The following SZT2 variants were observed in gnomAD, a reference collection of about 807,000 sequenced individuals.
The protein encoded by SZT2 is SZT2 subunit of KICSTOR complex.
In SZT2, 216 loss-of-function variants were observed where a neutral mutation model predicts 404.2. The observed-to-expected ratio is 0.53, with a 90% CI of 0.48 to 0.60. The LOEUF (loss-of-function observed/expected upper bound fraction) is 0.60. Ranked by LOEUF, SZT2 falls within the 20% of genes least tolerant of loss-of-function variation. The probability of loss-of-function intolerance (pLI) is 0.00; values close to 1 mark genes in which losing one functional copy is unlikely to be tolerated. For synonymous variants in SZT2, 1,693 were observed against 1,749.9 expected (o/e 0.97, Z 0.81); for missense variants, 3,857 against 4,459.2 (o/e 0.86, Z 3.85).
rs1335463017 is a variant in SZT2 at position 43,397,452 on chromosome 1, A to T, written c.28-5725A>T. On this transcript the variant is annotated intron_variant, in intron 1 of 71. Transcript: ENST00000634258. ...AAAAAAAAAAAAGAAAAGAAACAATATGTAGACATGGCCTCCACCTCGCTG... is the reference window on the plus strand; with the variant it reads ...AAAAAAAAAAAAGAAAAGAAACAATTTGTAGACATGGCCTCCACCTCGCTG... Among the ~76,000 whole-genome samples, 181 of 151,736 alleles carry T rather than the reference A, an allele frequency of 1.2e-3. No homozygotes were observed. The East Asian group carries it at 0.023, about 19-fold the overall frequency.
intron 42 of SZT2, chr1:43,436,480 T>C (rs1161958614): frequency 6.6e-6 from 1 of 152,290 alleles, no homozygotes; most frequent in African/African-American, 2.4e-5. Context: ...CTCCAGAATT[T>C]TTCCCTGAAA....
intron 7 of SZT2, among the ~76,000 whole-genome samples, chr1:43,418,581 CAT>C (rs1651965209): frequency 6.6e-6 from 1 of 152,282 alleles, no homozygotes; most frequent in East Asian, 1.9e-4. Context: ...AGTTGGGTGT[CAT>C]ATGTTTTGAT....
chr1:43,413,752 A>G (rs1007866653), intron 4 of SZT2, among the ~76,000 whole-genome samples: 1 of 152,188 alleles, frequency 6.6e-6, no homozygotes, highest in Admixed American at 6.5e-5. Context: ...AAAAATTAAA[A>G]CAATTGAACT....
chr1:43,424,229 G>A lies in SZT2; in HGVS notation c.2268G>A (p.Leu756=), dbSNP rs2153932880. The change falls in exon 16 of 72, where the codon CTG becomes CTA. Residue 756 remains leucine (L), a synonymous_variant. Coordinates refer to ENST00000634258, the MANE Select transcript of SZT2 (RefSeq NM_001365999.1). The surrounding 1 kb of genome is among the most constrained non-coding windows in gnomAD (Gnocchi z 4.1). ...LDKLLIRYEK[L]PLDYRAPFLL... ...TCCCATTTCCTAGGTATGAGAAGCT[G>A]CCCTTGGACTACCGGGCACCCTTCT... The A allele has an allele frequency of 2.5e-6, 4 of 1,597,576 alleles. No homozygotes were observed. Among genetic ancestry groups the A allele is most frequent in the Non-Finnish European group, 3.4e-6 (4 of 1,179,368 alleles).
Position 43,437,866 on chromosome 1 carries a change from C to G in SZT2, c.6472C>G (p.His2158Asp), listed in dbSNP as rs752750491. ...AARPVGQVDR[H>D]IQLLVHGVGQ... Reference sequence around the variant, plus strand: ...TCGTCCTGTGGGCCAAGTGGACAGACATATCCAGCTGCTGGTCCATGGTGT... The same window carrying G: ...TCGTCCTGTGGGCCAAGTGGACAGAGATATCCAGCTGCTGGTCCATGGTGT... The change falls in exon 46 of 72, where the codon CAT becomes GAT. Residue 2158 changes from histidine (H) to aspartate (D), a missense_variant. Around this residue, in one of 7 missense-constraint regions of SZT2, gnomAD observed 261 missense variants for 372.9 expected, o/e 0.70. Coordinates refer to ENST00000634258, the MANE Select transcript of SZT2 (RefSeq NM_001365999.1). This position sits in a 1 kb window ranked among gnomAD's most constrained non-coding sequence, Gnocchi z 5.3. 8 of 1,614,046 alleles carry G rather than the reference C, an allele frequency of 5.0e-6. No homozygotes were observed. In the Admixed American group the frequency reaches 8.3e-5, roughly 17 times the overall value.
At position 43,445,882 on chromosome 1, in the gene SZT2, CCTT is replaced by C. The variant is rs761757948; in HGVS notation, c.8826-11_8826-9del. ...CCTGCCTCATCCTCTTATCCCTCCT[CCTT>C]TTCTATAGCACCAGCCGGCCACGGG... On this transcript the variant is annotated splice_polypyrimidine_tract_variant and intron_variant, in intron 62 of 71. Coordinates refer to ENST00000634258, the MANE Select transcript of SZT2 (RefSeq NM_001365999.1). 1 of 1,614,026 alleles carries C rather than the reference CCTT, an allele frequency of 6.2e-7. No individual in the cohort carries two copies. Among genetic ancestry groups the C allele is most frequent in the African/African-American group, 1.3e-5 (1 of 75,070 alleles).
chr1:43,415,756 C>T (rs1651639547), intron 5 of SZT2, among the ~76,000 whole-genome samples: 1 of 152,222 alleles, frequency 6.6e-6, no homozygotes, highest in Non-Finnish European at 1.5e-5. Context: ...TGATGCCGAA[C>T]TCCCTTCACC....
At chr1:43,430,465 C>T in intron 31 of SZT2, 31 bp from the exon 32 acceptor site, 1 of 1,607,778 alleles carries the variant, frequency 6.2e-7, no homozygotes, top group Non-Finnish European at 8.5e-7. Context: ...CTGCCAGCCT[C>T]TCTCATTGAC....
chr1:43,399,676 T>G (rs1478027239), intron 1 of SZT2, among the ~76,000 whole-genome samples: 1 of 152,000 alleles, frequency 6.6e-6, no homozygotes, highest in Non-Finnish European at 1.5e-5. Flanking sequence ...TTAGCCAGGG[T>G]GGTCTCGATC....
chr1:43,434,326 A>G, intron 40 of SZT2, 60 bp from the exon 41 acceptor site: 1 of 1,399,534 alleles, frequency 7.1e-7, no homozygotes, highest in Non-Finnish European at 9.9e-7. Context: ...TATACATATC[A>G]TGCCATTACA....
At chr1:43,443,527 AC>A (rs755451533) in intron 61 of SZT2, 50 bp downstream of exon 61, 16 of 1,612,748 alleles carry the variant, frequency 9.9e-6, no homozygotes, top group South Asian at 6.6e-5. Flanking sequence ...CCCCACAGTG[AC>A]CCCCCTCCTC....
At position 43,426,280 on chromosome 1, in the gene SZT2, C is replaced by T; in HGVS notation, c.3044-88C>T. On this transcript the variant is annotated intron_variant, in intron 21 of 71. Coordinates refer to ENST00000634258, the MANE Select transcript of SZT2 (RefSeq NM_001365999.1). This position sits in a 1 kb window ranked among gnomAD's most constrained non-coding sequence, Gnocchi z 4.9. Reference sequence around the variant, plus strand: ...GTGGGGGCAGGAGGAGCCCATGAGGCTGAAGGAGGGGCCAGCTGGTCAGGG... The same window carrying T: ...GTGGGGGCAGGAGGAGCCCATGAGGTTGAAGGAGGGGCCAGCTGGTCAGGG... The T allele has an allele frequency of 1.3e-6, 2 of 1,497,128 alleles. No individual in the cohort carries two copies. The highest frequency in any genetic ancestry group is 1.8e-6 in the Non-Finnish European group (2 of 1,118,686). The allele number at this position is 1,497,128 out of a possible 1,614,324, so 92.7% of individuals were successfully genotyped here. A position where few individuals can be genotyped will look rare whatever the true frequency, so the allele number is the denominator to read the frequency against.
chr1:43,408,100 G>A (rs904983874), intron 4 of SZT2, among the ~76,000 whole-genome samples: 1 of 152,072 alleles, frequency 6.6e-6, no homozygotes, highest in Admixed American at 6.6e-5. Context: ...CCAAAGTGCT[G>A]GGATTACAGG....
rs889713239 is a variant in SZT2 at position 43,450,260 on chromosome 1, C to A, written c.10156-77C>A. On this transcript the variant is annotated intron_variant, in intron 71 of 71. Coordinates refer to ENST00000634258, the MANE Select transcript of SZT2 (RefSeq NM_001365999.1). This position sits in a 1 kb window ranked among gnomAD's most constrained non-coding sequence, Gnocchi z 4.3. The stretch of plus-strand genomic sequence containing the variant: ...CGGAGCCTGCTGAGGTTGGGGTGCC[C>A]ACCCTTTCTGAGCCCTGCCTCCTAT... 2.5e-6 allele frequency: 4 copies of A among 1,613,610 alleles called. No homozygotes were observed. In the African/African-American group the frequency reaches 4.0e-5, roughly 16 times the overall value.
In SZT2 at chr1:43,439,912, T is replaced by C. The variant is rs369125159; in HGVS notation, c.7074T>C (p.Asp2358=). The change falls in exon 51 of 72, where the codon GAT becomes GAC. Residue 2358 remains aspartate, a synonymous_variant. Coordinates refer to ENST00000634258, the MANE Select transcript of SZT2 (RefSeq NM_001365999.1). The surrounding 1 kb of genome is among the most constrained non-coding windows in gnomAD (Gnocchi z 4.2). ...ATGGGGCCCCACGGCTTCGATTGGA[T>C]GTGTGGGAAAAGGGGAACATTAGTA... ...AQNGAPRLRL[D]VWEKGNISIV... is the part of the protein sequence containing the mutation. 1.2e-6 allele frequency: 2 copies of C among 1,609,720 alleles called. No individual in the cohort carries two copies.
intron 1 of SZT2, among the ~76,000 whole-genome samples, chr1:43,392,083 CA>C (rs57476239): frequency 8.9e-4 from 3 of 3,378 alleles, no homozygotes; most frequent in African/African-American, 1.6e-3. Flanking sequence ...GACTCCGTCT[CA>C]AAAAAAAAAA....
At chr1:43,394,225 T>C (rs1196707646) in intron 1 of SZT2, 5 of 353,848 alleles carry the variant, frequency 1.4e-5, no homozygotes, top group Non-Finnish European at 2.0e-5. Flanking sequence ...TTTTTTTTTT[T>C]TGAGATGGAG....
At position 43,448,817 on chromosome 1, in the gene SZT2, C is replaced by G. The variant is rs1387823705; in HGVS notation, c.10086+89C>G. 1.6e-6 allele frequency: 2 copies of G among 1,279,412 alleles called. No individual in the cohort carries two copies. The highest frequency in any genetic ancestry group is 1.5e-5 in the African/African-American group (1 of 68,196). 79.3% of individuals were successfully genotyped at this position (1,279,412 alleles called of 1,614,324 possible). ...GCCCCTCAGCCTGACCAAACAAGCT[C>G]TGCTCTGGAGGGAGGCCTAGACAGA... On this transcript the variant is annotated intron_variant, in intron 70 of 71. Coordinates refer to ENST00000634258, the MANE Select transcript of SZT2 (RefSeq NM_001365999.1). This position sits in a 1 kb window ranked among gnomAD's most constrained non-coding sequence, Gnocchi z 4.2.
At chr1:43,438,616 T>G in intron 46 of SZT2, 83 bp from the exon 47 acceptor site, 1 of 1,317,874 alleles carries the variant, frequency 7.6e-7, no homozygotes, top group Non-Finnish European at 1.1e-6. Context: ...AGGGGATTCT[T>G]TGAGTTTGGC....
Sources: gnomAD v4.1 joint callset for allele counts (sites outside exome capture counted in the v4.1 genomes callset) on GRCh38, gnomAD v4.1.1 for gene constraint, gnomAD v4.1.1 regional missense constraint, Gnocchi (gnomAD v3.1) non-coding constraint, MANE v1.5 for transcripts, NCBI Gene and HGNC (gene_info 2026-07-23, HGNC 2026-07-21) for gene names.